Variants in HIVEP3 observed in about 807,000 individuals in gnomAD.
The protein encoded by HIVEP3 is HIVEP zinc finger 3, also known as transcription factor HIVEP3.
HIVEP3 carries 49 observed loss-of-function variants against 152.8 expected under a neutral mutation model. The observed-to-expected ratio is 0.32, with a 90% CI of 0.26 to 0.41. HIVEP3 has a LOEUF of 0.41. Among genes scored for constraint, HIVEP3 ranks in the 10% least tolerant of loss-of-function variants. The pLI, the probability that HIVEP3 is intolerant of heterozygous loss-of-function variation, is 1.00. For synonymous variants in HIVEP3, 1,269 were observed against 1,289.0 expected (o/e 0.98, Z 0.33); for missense variants, 2,790 against 3,103.3 (o/e 0.90, Z 2.40).
rs1645198590 is a variant in HIVEP3, at chr1:41,966,476, T to TTTTTTTTTTTTC, written n.120-47953_120-47952insGAAAAAAAAAAA. Among the ~76,000 whole-genome samples, 2 of 39,620 alleles carry TTTTTTTTTTTTC rather than the reference T, an allele frequency of 5.0e-5. 1 individual carries two copies. The highest frequency in any genetic ancestry group is 8.5e-5 in the Non-Finnish European group (2 of 23,456). 26.0% of individuals were successfully genotyped at this position (39,620 alleles called of 152,430 possible). The stretch of plus-strand genomic sequence containing the variant: ...CAAGACCCATCAGTGTGCTGTATTC[T>TTTTTTTTTTTTC]TTTTTTTTTTTTTTTGAGATGGAGT... On this transcript the variant is annotated intron_variant and non_coding_transcript_variant, in intron 1 of 3. Transcript: ENST00000489103.
chr1:42,010,770 A>G (rs1412062893), intron 1 of HIVEP3, among the ~76,000 whole-genome samples: 1 of 152,138 alleles, frequency 6.6e-6, no homozygotes, highest in African/African-American at 2.4e-5. Context: ...CTCTATACAC[A>G]TCTTAGAAAG....
chr1:41,609,556 T>C (rs1006949932), intron 3 of HIVEP3, among the ~76,000 whole-genome samples: 3 of 152,214 alleles, frequency 2.0e-5, no homozygotes, highest in Non-Finnish European at 2.9e-5. Flanking sequence ...GGAGAAAGGG[T>C]TCCACCCCAT....
chr1:41,679,734 G>C (rs1336765875), intron 2 of HIVEP3, among the ~76,000 whole-genome samples: 1 of 152,216 alleles, frequency 6.6e-6, no homozygotes, highest in East Asian at 1.9e-4. Context: ...ACTGAATTCA[G>C]CCTGCCCAGA....
At chr1:41,554,315 G>A (rs141878498) in intron 5 of HIVEP3, among the ~76,000 whole-genome samples, 2 of 152,176 alleles carry the variant, frequency 1.3e-5, no homozygotes, top group African/African-American at 4.8e-5. Context: ...CGTAGTTCTT[G>A]TGCCATGGTT....
intron 1 of HIVEP3, among the ~76,000 whole-genome samples, chr1:42,009,073 G>A (rs1467424632): frequency 6.6e-6 from 1 of 152,118 alleles, no homozygotes; most frequent in Non-Finnish European, 1.5e-5. Context: ...GAAGAATCAG[G>A]AATCCTGTTA....
chr1:41,573,809 G>C (rs989989600), intron 5 of HIVEP3, among the ~76,000 whole-genome samples: 3 of 152,198 alleles, frequency 2.0e-5, no homozygotes, highest in African/African-American at 4.8e-5. Flanking sequence ...GTGGGGCAGA[G>C]ATGACAGAAC....
chr1:41,710,065 C>T (rs1023247650), intron 1 of HIVEP3, among the ~76,000 whole-genome samples: 1 of 152,058 alleles, frequency 6.6e-6, no homozygotes, highest in Admixed American at 6.5e-5. Context: ...CCCTAATGCC[C>T]GAAGAGAGCT....
intron 1 of HIVEP3, among the ~76,000 whole-genome samples, chr1:41,888,514 G>A (rs1644388311): frequency 6.6e-6 from 1 of 151,854 alleles, no homozygotes; most frequent in Non-Finnish European, 1.5e-5. Context: ...GCTGAGAAGG[G>A]GCCAAAGAGG....
chr1:41,987,583 G>T (rs1414569660), intron 1 of HIVEP3, among the ~76,000 whole-genome samples: 5 of 152,032 alleles, frequency 3.3e-5, no homozygotes, highest in Admixed American at 3.3e-4. Context: ...GAGACCAATG[G>T]AACAGAATGG....
chr1:41,982,350 C>T (rs114347827), intron 1 of HIVEP3, among the ~76,000 whole-genome samples: 61 of 152,292 alleles, frequency 4.0e-4, no homozygotes, highest in African/African-American at 1.4e-3. Flanking sequence ...GATGGAACTG[C>T]GTCCCTCTCA....
At chr1:41,737,846 C>T (rs960199234) in intron 1 of HIVEP3, among the ~76,000 whole-genome samples, 1 of 152,200 alleles carries the variant, frequency 6.6e-6, no homozygotes, top group Non-Finnish European at 1.5e-5. Flanking sequence ...AATGTGGAAA[C>T]GGCTTACAGA....
chr1:41,965,593 C>T (rs561402767), intron 1 of HIVEP3, among the ~76,000 whole-genome samples: 71 of 152,248 alleles, frequency 4.7e-4, no homozygotes, highest in Admixed American at 7.8e-4. Flanking sequence ...ACAAGTATAT[C>T]AATAGCCGAA....
intron 1 of HIVEP3, among the ~76,000 whole-genome samples, chr1:41,848,715 G>A (rs547403944): frequency 6.6e-6 from 1 of 152,298 alleles, no homozygotes; most frequent in Middle Eastern, 3.4e-3. Flanking sequence ...AGCTTGGGCT[G>A]GAGCAGTCAG....
rs1440030333 is a variant in HIVEP3, at chr1:41,512,927, T to G, written c.6294A>C (p.Ser2098=). Reference sequence around the variant, plus strand: ...CCAAGCCTGGGCCATGCTCCCCCGCTGAGGGGCTGCCCGGCCCAGCCAAGG... The same window carrying G: ...CCAAGCCTGGGCCATGCTCCCCCGCGGAGGGGCTGCCCGGCCCAGCCAAGG... ...KWALAGPGSP[S]AGEHGPGLGL... Residue 2098 remains serine, a synonymous_variant, in exon 8 of 9, where the codon TCA becomes TCC. Transcript: ENST00000372583. The G allele has an allele frequency of 2.5e-6, 4 of 1,598,474 alleles. No homozygotes were observed. In the African/African-American group the frequency reaches 5.4e-5, roughly 21 times the overall value.
chr1:41,694,760 G>C (rs1558186283), intron 2 of HIVEP3, among the ~76,000 whole-genome samples: 1 of 152,170 alleles, frequency 6.6e-6, no homozygotes. Context: ...TATTCACCAT[G>C]TGCCTGTCGC....
intron 1 of HIVEP3, among the ~76,000 whole-genome samples, chr1:41,932,652 C>T (rs1373662028): frequency 6.6e-6 from 1 of 151,674 alleles, no homozygotes; most frequent in East Asian, 1.9e-4. Flanking sequence ...ATCCAAATTG[C>T]TTTTTTGTTT....
At chr1:41,696,589 A>G (rs537173067) in intron 2 of HIVEP3, among the ~76,000 whole-genome samples, 1 of 152,384 alleles carries the variant, frequency 6.6e-6, no homozygotes, top group East Asian at 1.9e-4. Context: ...GATGCCTCCA[A>G]GCAGCCACCC....
chr1:41,907,470 T>G (rs569290423), intron 1 of HIVEP3, among the ~76,000 whole-genome samples: 2 of 152,188 alleles, frequency 1.3e-5, no homozygotes, highest in East Asian at 1.9e-4. Flanking sequence ...CCATATGAGG[T>G]GCAACCATAT....
At chr1:41,666,077 C>A (rs1022707923) in intron 2 of HIVEP3, among the ~76,000 whole-genome samples, 2 of 151,988 alleles carry the variant, frequency 1.3e-5, no homozygotes, top group Non-Finnish European at 2.9e-5. Flanking sequence ...CTGTGCTTTC[C>A]TGGACTCAGA....
Sources: gnomAD v4.1 joint callset for allele counts (sites outside exome capture counted in the v4.1 genomes callset) on GRCh38, gnomAD v4.1.1 for gene constraint, MANE v1.5 for transcripts, NCBI Gene and HGNC (gene_info 2026-07-23, HGNC 2026-07-21) for gene names.